LTBP4: variants seen among roughly 807,000 people sequenced by gnomAD.
The protein encoded by LTBP4 is latent-transforming growth factor beta-binding protein 4.
A neutral mutation model predicts 180.2 loss-of-function variants in LTBP4; 93 were observed. That is an observed-to-expected ratio of 0.52 (90% CI 0.44 to 0.61). The LOEUF (loss-of-function observed/expected upper bound fraction) is 0.61, where lower values mean the gene tolerates loss of function less well. Among genes scored for constraint, LTBP4 ranks in the 20% least tolerant of loss-of-function variants. The pLI is 0.00. For synonymous variants in LTBP4, 947 were observed against 934.5 expected (o/e 1.01, Z -0.24); for missense variants, 2,116 against 2,256.5 (o/e 0.94, Z 1.26).
Position 40,627,691 on chromosome 19 carries a change from CG to C in LTBP4, c.4367-13del. ...CAGGGACCTCAAGTCATAGGGTCCCCGCATTTCCCACAGGTTCCCTGGCTGA... is the reference window on the plus strand; with the variant it reads ...CAGGGACCTCAAGTCATAGGGTCCCCCATTTCCCACAGGTTCCCTGGCTGA... On this transcript the variant is annotated splice_polypyrimidine_tract_variant and intron_variant, in intron 28 of 29. Coordinates refer to ENST00000396819, the MANE Select transcript of LTBP4 (RefSeq NM_001042545.2). 6.3e-7 allele frequency: 1 copy of C among 1,578,992 alleles called. No individual in the cohort carries two copies.
Position 40,629,632 on chromosome 19 carries a change from T to C in LTBP4, c.*82T>C, listed in dbSNP as rs2081664257. 1.6e-6 allele frequency: 2 copies of C among 1,272,356 alleles called. No homozygotes were observed. Among genetic ancestry groups the C allele is most frequent in the Non-Finnish European group, 1.0e-6 (1 of 1,001,844 alleles). 78.8% of individuals were successfully genotyped at this position (1,272,356 alleles called of 1,614,324 possible). A position where few individuals can be genotyped will look rare whatever the true frequency, so the allele number is the denominator to read the frequency against. On this transcript the variant is annotated 3_prime_UTR_variant, in exon 30 of 30. Coordinates refer to ENST00000396819, the MANE Select transcript of LTBP4 (RefSeq NM_001042545.2). This position sits in a 1 kb window ranked among gnomAD's most constrained non-coding sequence, Gnocchi z 4.5. ...ATCCTGCAGCCCGCTTATGCGTATG[T>C]GCACGGGGCCGCCCGCCTGGACCTG...
chr19:40,615,191 G>GGC (rs1300885531), intron 19 of LTBP4: 2 of 129,624 alleles, frequency 1.5e-5, no homozygotes, highest in African/African-American at 6.1e-5. Flanking sequence ...TTTTTGTGTC[G>GGC]GCGGGGGGGG....
chr19:40,624,023 C>T lies in LTBP4; in HGVS notation c.3773C>T (p.Pro1258Leu). ...TVGSYHCTCE[P>L]PLVLDGSQRR... ...GGCTCTTATCACTGTACCTGCGAGC[C>T]CCCACTGGTGCTGGATGGCTCGCAG... The change falls in exon 26 of 30, where the codon CCC becomes CTC. Residue 1258 changes from proline to leucine, a missense_variant. This residue lies in a region of LTBP4 where 488 missense variants were observed against 458.8 expected (regional missense o/e 1.06). Transcript: ENST00000396819. The T allele has an allele frequency of 6.2e-7, 1 of 1,608,726 alleles. No homozygotes were observed. Among genetic ancestry groups the T allele is most frequent in the South Asian group, 1.1e-5 (1 of 90,444 alleles).
upstream of LTBP4, chr19:40,599,264 TG>T: frequency 6.2e-7 from 1 of 1,613,850 alleles, no homozygotes; most frequent in African/African-American, 1.3e-5. Context: ...AGGTGGGTTC[TG>T]GAAGATGGAG....
intron 19 of LTBP4, among the ~76,000 whole-genome samples, chr19:40,616,523 A>G (rs1219226905): frequency 1.3e-5 from 2 of 152,140 alleles, no homozygotes; most frequent in Admixed American, 6.5e-5. Context: ...GCTTGAGGTC[A>G]GGAGTTCGAG....
chr19:40,619,543 A>T (rs1335979107), intron 22 of LTBP4, 50 bp downstream of exon 22: 2 of 1,549,068 alleles, frequency 1.3e-6, no homozygotes, highest in African/African-American at 2.7e-5. Context: ...CCATGGGAAA[A>T]TCACGTGGTC....
Position 40,613,214 on chromosome 19 carries a change from C to A in LTBP4, c.2431+18C>A. 2 of 1,558,044 alleles carry A rather than the reference C, an allele frequency of 1.3e-6. No homozygotes were observed. Among genetic ancestry groups the A allele is most frequent in the Non-Finnish European group, 1.7e-6 (2 of 1,150,428 alleles). On this transcript the variant is annotated intron_variant, in intron 16 of 29. Transcript: ENST00000396819. The surrounding 1 kb of genome is among the most constrained non-coding windows in gnomAD (Gnocchi z 5.0). ...CTGCGCAGGTGAGCAGCATAGGGAC[C>A]CGCCAGAGAGTCTGGGAGTAGGGCC...
chr19:40,612,266 A>G (rs2081513411), intron 15 of LTBP4, 74 bp downstream of exon 15: 10 of 1,499,754 alleles, frequency 6.7e-6, no homozygotes, highest in East Asian at 4.9e-5. Context: ...CACAACTATG[A>G]CCTGGCCGTA....
At position 40,623,878 on chromosome 19, in the gene LTBP4, G is replaced by T. The variant is rs550134449; in HGVS notation, c.3686-58G>T. ...TCACACTGCCAATGTGCTGGGAAGA[G>T]AAATGGGAAAGGGTGGGGAGAGTTG... On this transcript the variant is annotated intron_variant, in intron 25 of 29. Transcript: ENST00000396819. The T allele has an allele frequency of 2.4e-5, 39 of 1,604,868 alleles. No homozygotes were observed. In the African/African-American group the frequency reaches 5.1e-4, roughly 21 times the overall value.
upstream of LTBP4, among the ~76,000 whole-genome samples, chr19:40,596,980 C>T (rs2081393785): frequency 1.3e-5 from 2 of 152,102 alleles, no homozygotes; most frequent in South Asian, 4.1e-4. Context: ...CCTAATTTCC[C>T]CCCACCGCGT....
In LTBP4 at chr19:40,609,726, A is replaced by T. The variant is rs1347649638; in HGVS notation, c.1559-20A>T. The stretch of plus-strand genomic sequence containing the variant: ...GGCTTTGCCTGGTCACCTTGTCACC[A>T]GCCCCCTCCGTGTCCTCAGATGTGG... On this transcript the variant is annotated intron_variant, in intron 10 of 29. Transcript: ENST00000396819. The surrounding 1 kb of genome is among the most constrained non-coding windows in gnomAD (Gnocchi z 4.9). The T allele has an allele frequency of 1.2e-6, 2 of 1,611,410 alleles. No homozygotes were observed. The highest frequency in any genetic ancestry group is 2.7e-5 in the African/African-American group (2 of 75,002).
chr19:40,627,369 G>A lies in LTBP4; in HGVS notation c.4366+14G>A, dbSNP rs890839889. On this transcript the variant is annotated intron_variant, in intron 28 of 29. Transcript: ENST00000396819. ...GAAGCTATGCTGGTGAGCACTGCCA[G>A]CGCATGATGAGACTGAGATGAGGGG... The A allele has an allele frequency of 6.7e-7, 1 of 1,483,870 alleles. No homozygotes were observed. The highest frequency in any genetic ancestry group is 1.3e-5 in the South Asian group (1 of 74,230). 91.9% of individuals were successfully genotyped at this position (1,483,870 alleles called of 1,614,324 possible). A position where few individuals can be genotyped will look rare whatever the true frequency, so the allele number is the denominator to read the frequency against.
At chr19:40,599,458 TG>T, upstream of LTBP4, 1 of 1,613,880 alleles carries the variant, frequency 6.2e-7, no homozygotes, top group Non-Finnish European at 8.5e-7. Flanking sequence ...CCAAAAAGTG[TG>T]CAGGCCCCCA....
chr19:40,625,297 TATATATATATATATATA>T lies in LTBP4; in HGVS notation c.3833-559_3833-543del, dbSNP rs2081623241. Among the ~76,000 whole-genome samples, 26 of 20,538 alleles carry T rather than the reference TATATATATATATATATA, an allele frequency of 1.3e-3. 7 individuals are homozygous for T. Among genetic ancestry groups the T allele is most frequent in the South Asian group, 4.8e-3 (3 of 626 alleles). 13.5% of individuals were successfully genotyped at this position (20,538 alleles called of 152,430 possible). A position where few individuals can be genotyped will look rare whatever the true frequency, so the allele number is the denominator to read the frequency against. On this transcript the variant is annotated intron_variant, in intron 26 of 29. Coordinates refer to ENST00000396819, the MANE Select transcript of LTBP4 (RefSeq NM_001042545.2). Reference sequence around the variant, plus strand: ...ATATATATATATATATATATATATATATATATATATATATATATATTTTTTTTTTTAAAGATGGGTTT... The same window carrying T: ...ATATATATATATATATATATATATATTATTTTTTTTTTTAAAGATGGGTTT...
rs1211753527 is a variant in LTBP4, at chr19:40,622,519, G to A, written c.3336G>A (p.Gly1112=). 1.6e-5 allele frequency: 26 copies of A among 1,613,564 alleles called. No individual in the cohort carries two copies. In the East Asian group the frequency reaches 2.4e-4, roughly 15 times the overall value. ...STPRQGPVGS[G]RRECYFDTAA... is the part of the protein sequence containing the mutation. The stretch of plus-strand genomic sequence containing the variant: ...CTAGGCAGGGCCCTGTGGGGAGTGG[G>A]CGCCGGGAGTGCTACTTTGACACAG... The change falls in exon 23 of 30, where the codon GGG becomes GGA. Residue 1112 remains glycine (G), a synonymous_variant. Coordinates refer to ENST00000396819, the MANE Select transcript of LTBP4 (RefSeq NM_001042545.2). This position sits in a 1 kb window ranked among gnomAD's most constrained non-coding sequence, Gnocchi z 5.1.
rs1056667214 is a variant in LTBP4 at position 40,601,633 on chromosome 19, C to T, written c.246C>T (p.Arg82=). The part of the protein sequence containing the change: ...GGAAPGGPGF[R]AFLCPLICHN... ...CGGCCCCGGGGGGACCCGGCTTCCG[C>T]GCCTGTGAGTGCGGGGTGGTGGTCC... Residue 82 remains arginine (R), a synonymous_variant, in exon 1 of 30, where the codon CGC becomes CGT. Transcript: ENST00000396819. The T allele has an allele frequency of 2.2e-6, 3 of 1,366,572 alleles. No individual in the cohort carries two copies. The highest frequency in any genetic ancestry group is 1.5e-5 in the African/African-American group (1 of 65,248). The allele number at this position is 1,366,572 out of a possible 1,614,324, so 84.7% of individuals were successfully genotyped here.
chr19:40,602,409 C>T (rs1360078407), intron 1 of LTBP4, among the ~76,000 whole-genome samples: 1 of 152,042 alleles, frequency 6.6e-6, no homozygotes, highest in Admixed American at 6.5e-5. Flanking sequence ...TGGGCAGACT[C>T]TCTGGGATCG....
rs563292951 is a variant in LTBP4 at position 40,606,613 on chromosome 19, G to C, written c.991+87G>C. ...GCATCCTGGGGCCTTTAATTCCCTC[G>C]GACCCCCCCAGACTCCCGGGTTCCT... On this transcript the variant is annotated intron_variant, in intron 6 of 29. Coordinates refer to ENST00000396819, the MANE Select transcript of LTBP4 (RefSeq NM_001042545.2). 4,816 of 1,488,724 alleles carry C rather than the reference G, an allele frequency of 3.2e-3. 20 individuals are homozygous for C. The highest frequency in any genetic ancestry group is 3.6e-3 in the Non-Finnish European group (4,021 of 1,107,774). 92.2% of individuals were successfully genotyped at this position (1,488,724 alleles called of 1,614,324 possible).
chr19:40,606,467 G>T lies in LTBP4; in HGVS notation c.932G>T (p.Gly311Val), dbSNP rs776386058. ...GGCGAGTGTGCAAACACGCGCGGCG[G>T]GTACACGTGTGTGTGCCCCGACGGC... is the stretch of plus-strand genomic sequence containing the variant. ...QHGECANTRG[G>V]YTCVCPDGFL... is the part of the protein sequence containing the mutation. Residue 311 changes from glycine to valine, a missense_variant, in exon 6 of 30, where the codon GGG (glycine) becomes GTG (valine). Physicochemically the swap from Gly to Val is moderately radical, Grantham distance 109 (BLOSUM62 -3). Around this residue, in one of 5 missense-constraint regions of LTBP4, gnomAD observed 469 missense variants for 532.5 expected, o/e 0.88. Coordinates refer to ENST00000396819, the MANE Select transcript of LTBP4 (RefSeq NM_001042545.2). The T allele has an allele frequency of 4.0e-5, 63 of 1,583,052 alleles. No individual in the cohort carries two copies. Among genetic ancestry groups the T allele is most frequent in the Non-Finnish European group, 5.1e-5 (60 of 1,165,462 alleles).
Sources: gnomAD v4.1 joint callset for allele counts (sites outside exome capture counted in the v4.1 genomes callset) on GRCh38, gnomAD v4.1.1 for gene constraint, gnomAD v4.1.1 regional missense constraint, Gnocchi (gnomAD v3.1) non-coding constraint, MANE v1.5 for transcripts, NCBI Gene and HGNC (gene_info 2026-07-23, HGNC 2026-07-21) for gene names.